TMEM202: variants seen among roughly 807,000 people sequenced by gnomAD.
TMEM202 encodes the protein transmembrane protein 202.
In TMEM202, 25 loss-of-function variants were observed where a neutral mutation model predicts 26.1. The observed-to-expected ratio is 0.96, with a 90% CI of 0.70 to 1.34. The LOEUF (loss-of-function observed/expected upper bound fraction) is 1.34, where lower values mean the gene tolerates loss of function less well. Among genes scored for constraint, TMEM202 ranks in the 40% most tolerant of loss-of-function variants. The pLI is 0.00. For synonymous variants in TMEM202, 122 were observed against 119.0 expected (o/e 1.02, Z -0.16); for missense variants, 301 against 327.7 (o/e 0.92, Z 0.63).
chr15:72,407,647 C>T, intron 4 of TMEM202, 44 bp from the exon 5 acceptor site: 3 of 1,573,666 alleles, frequency 1.9e-6, no homozygotes, highest in South Asian at 2.2e-5. Flanking sequence ...AGCCAAAAGA[C>T]CATTGCCTAT....
Position 72,406,648 on chromosome 15 carries a change from C to G in TMEM202, c.384C>G (p.Thr128=), listed in dbSNP as rs1369502783. 3.1e-6 allele frequency: 5 copies of G among 1,613,760 alleles called. No homozygotes were observed. The Admixed American group carries it at 8.3e-5, about 27-fold the overall frequency. ...SRAFFLISVF[T]ILTGLGWLFS... Reference sequence around the variant, plus strand: ...CCTTCTTTCTCATCTCTGTCTTTACCATACTTACTGGCCTTGGCTGGCTCT... The same window carrying G: ...CCTTCTTTCTCATCTCTGTCTTTACGATACTTACTGGCCTTGGCTGGCTCT... Residue 128 remains threonine, a synonymous_variant, in exon 3 of 5, where the codon ACC becomes ACG. Transcript: ENST00000341689.
chr15:72,398,526 T>C, intron 1 of TMEM202, 119 bp downstream of exon 1: 1 of 1,433,692 alleles, frequency 7.0e-7, no homozygotes, highest in Non-Finnish European at 9.3e-7. Context: ...GTTTTTTTTT[T>C]TTAGGAGTAG....
At position 72,407,165 on chromosome 15, in the gene TMEM202, C is replaced by G. The variant is rs150116129; in HGVS notation, c.567C>G (p.Leu189=). 6 of 1,613,440 alleles carry G rather than the reference C, an allele frequency of 3.7e-6. No individual in the cohort carries two copies. The African/African-American group carries it at 8.0e-5, about 22-fold the overall frequency. ...WHTRDAMESD[L]LWTYYLNWCS... ...CTAGGGATGCCATGGAGTCAGATCTCCTATGGACCTATTATCTTAACTGGT... is the reference window on the plus strand; with the variant it reads ...CTAGGGATGCCATGGAGTCAGATCTGCTATGGACCTATTATCTTAACTGGT... Residue 189 remains leucine (L), a synonymous_variant, in exon 4 of 5, where the codon CTC becomes CTG. Coordinates refer to ENST00000341689, the MANE Select transcript of TMEM202 (RefSeq NM_001080462.3).
Position 72,404,430 on chromosome 15 carries a change from GA to G in TMEM202, c.338-2163del, listed in dbSNP as rs963409103. On this transcript the variant is annotated intron_variant, in intron 2 of 4. Transcript: ENST00000341689. Reference sequence around the variant, plus strand: ...ACCCCGTCTCAAAGAAAAAGATAAAGAAAAAAAAATGTGGCTCAGAAGAATA... The same window carrying G: ...ACCCCGTCTCAAAGAAAAAGATAAAGAAAAAAAATGTGGCTCAGAAGAATA... Among the ~76,000 whole-genome samples, 9 of 150,562 alleles carry G rather than the reference GA, an allele frequency of 6.0e-5. No individual in the cohort carries two copies. The South Asian group carries it at 1.1e-3, about 18-fold the overall frequency.
intron 2 of TMEM202, 28 bp from the exon 3 acceptor site, chr15:72,406,574 C>CG (rs764024127): frequency 5.6e-6 from 9 of 1,608,552 alleles, no homozygotes; most frequent in Non-Finnish European, 7.6e-6. Flanking sequence ...GGACTAACCA[C>CG]GGTCTTCCTT....
intron 2 of TMEM202, among the ~76,000 whole-genome samples, chr15:72,404,008 A>G (rs913491551): frequency 6.6e-6 from 1 of 152,212 alleles, no homozygotes; most frequent in Non-Finnish European, 1.5e-5. Context: ...ACTGGACTTT[A>G]TATGTTAGGC....
chr15:72,402,997 C>T (rs757563124), intron 2 of TMEM202, among the ~76,000 whole-genome samples: 4 of 152,050 alleles, frequency 2.6e-5, no homozygotes, highest in African/African-American at 4.8e-5. Flanking sequence ...ATGGCAGCAG[C>T]GTGGAAGTTC....
chr15:72,398,658 C>T lies in TMEM202; in HGVS notation c.87C>T (p.Thr29=), dbSNP rs752137088. Residue 29 remains threonine, a synonymous_variant, in exon 2 of 5, where the codon ACC becomes ACT. Coordinates refer to ENST00000341689, the MANE Select transcript of TMEM202 (RefSeq NM_001080462.3). The stretch of plus-strand genomic sequence containing the variant: ...TATTTCCCTCATCCTTGTAGCCTAC[C>T]GTCCCTGCCAAGAAACATCCAAGTG... The part of the protein sequence containing the change: ...IKGNRKYQRP[T]VPAKKHPSAS... 4.4e-5 allele frequency: 71 copies of T among 1,613,850 alleles called. No individual in the cohort carries two copies. Among genetic ancestry groups the T allele is most frequent in the Non-Finnish European group, 5.4e-5 (64 of 1,179,954 alleles).
rs770412151 is a variant in TMEM202 at position 72,398,515 on chromosome 15, GGT to G, written c.81+109_81+110del. 444 of 1,378,668 alleles carry G rather than the reference GGT, an allele frequency of 3.2e-4. 1 individual carries two copies. In the African/African-American group the frequency reaches 6.0e-3, roughly 18 times the overall value. The allele number at this position is 1,378,668 out of a possible 1,614,324, so 85.4% of individuals were successfully genotyped here. ...GAAAAGATCACCCTGAAAATTGTGG[GGT>G]TTTTTTTTTTTAGGAGTAGGGAAAA... On this transcript the variant is annotated intron_variant, in intron 1 of 4. Transcript: ENST00000341689.
At chr15:72,406,152 C>A (rs992227836) in intron 2 of TMEM202, among the ~76,000 whole-genome samples, 1 of 151,136 alleles carries the variant, frequency 6.6e-6, no homozygotes. Context: ...AGAAAAAAAC[C>A]CACATGATAT....
rs1222697872 is a variant in TMEM202 at position 72,407,866 on chromosome 15, T to C, written c.795T>C (p.Asn265=). The C allele has an allele frequency of 1.9e-6, 3 of 1,613,718 alleles. No individual in the cohort carries two copies. The highest frequency in any genetic ancestry group is 2.5e-6 in the Non-Finnish European group (3 of 1,179,964). The stretch of plus-strand genomic sequence containing the variant: ...AATCTCTAAGTGTGAGAGAGAAAAA[T>C]TTACCAAAGTCAGGACTGTGGTGGT... ...EMESLSVREK[N]LPKSGLWW The change falls in exon 5 of 5, where the codon AAT becomes AAC. Residue 265 remains asparagine, a synonymous_variant. Coordinates refer to ENST00000341689, the MANE Select transcript of TMEM202 (RefSeq NM_001080462.3).
chr15:72,406,758 A>T lies in TMEM202; in HGVS notation c.487+7A>T. ...ATGCTCAGCTTCATCTCAGGTACAG[A>T]CCTAGACTGGCAGGGTATTTTACCA... is the stretch of plus-strand genomic sequence containing the variant. On this transcript the variant is annotated splice_region_variant and intron_variant, in intron 3 of 4. Transcript: ENST00000341689. 6.2e-7 allele frequency: 1 copy of T among 1,613,418 alleles called. No individual in the cohort carries two copies. The highest frequency in any genetic ancestry group is 2.2e-5 in the East Asian group (1 of 44,864).
At chr15:72,398,571 T>G in intron 1 of TMEM202, 82 bp from the exon 2 acceptor site, 1 of 1,540,932 alleles carries the variant, frequency 6.5e-7, no homozygotes, top group Non-Finnish European at 8.8e-7. Context: ...CACATGGGAA[T>G]GCTTGAGGTA....
chr15:72,408,203 A>G lies in TMEM202; in HGVS notation c.*310A>G, dbSNP rs906587629. ...TTGGGTATCAGGGATCTCATGGACC[A>G]GAATGGCCCGTGGAGAAGAATGTTA... On this transcript the variant is annotated 3_prime_UTR_variant, in exon 5 of 5. Coordinates refer to ENST00000341689, the MANE Select transcript of TMEM202 (RefSeq NM_001080462.3). 3.3e-5 allele frequency among the ~76,000 whole-genome samples: 5 copies of G among 152,238 alleles called. No homozygotes were observed. The highest frequency in any genetic ancestry group is 3.3e-4 in the Admixed American group (5 of 15,290).
At chr15:72,400,241 ACTAT>A (rs1283353444) in intron 2 of TMEM202, among the ~76,000 whole-genome samples, 8 of 152,264 alleles carry the variant, frequency 5.3e-5, no homozygotes, top group African/African-American at 1.9e-4. Flanking sequence ...AAGAACTATA[ACTAT>A]CTAATAAACA....
intron 1 of TMEM202, 48 bp downstream of exon 1, chr15:72,398,455 T>G: frequency 6.5e-7 from 1 of 1,531,868 alleles, no homozygotes; most frequent in Non-Finnish European, 8.9e-7. Flanking sequence ...GAGAACTTAC[T>G]TAAAGGCAGG....
At chr15:72,403,793 T>C (rs1354431518) in intron 2 of TMEM202, among the ~76,000 whole-genome samples, 23 of 152,240 alleles carry the variant, frequency 1.5e-4, no homozygotes, top group Admixed American at 1.4e-3. Context: ...GTGTAGTTTG[T>C]TTATATAATT....
At chr15:72,404,431 A>G (rs1463251187) in intron 2 of TMEM202, among the ~76,000 whole-genome samples, 1 of 151,290 alleles carries the variant, frequency 6.6e-6, no homozygotes, top group African/African-American at 2.4e-5. Flanking sequence ...AAAGATAAAG[A>G]AAAAAAAATG....
intron 3 of TMEM202, 105 bp from the exon 4 acceptor site, chr15:72,406,981 G>A (rs2063574976): frequency 6.8e-7 from 1 of 1,466,208 alleles, no homozygotes. Flanking sequence ...TTATCTTTTT[G>A]ATCCTCGCTA....
Sources: gnomAD v4.1 joint callset for allele counts (sites outside exome capture counted in the v4.1 genomes callset) on GRCh38, gnomAD v4.1.1 for gene constraint, MANE v1.5 for transcripts, NCBI Gene and HGNC (gene_info 2026-07-23, HGNC 2026-07-21) for gene names.